Variants in IMMP2L observed in about 807,000 individuals in gnomAD.
IMMP2L encodes the protein mitochondrial inner membrane protease subunit 2.
In IMMP2L, 18 loss-of-function variants were observed where a neutral mutation model predicts 19.3. That is an observed-to-expected ratio of 0.93 (90% confidence interval 0.64 to 1.38). The LOEUF (loss-of-function observed/expected upper bound fraction) is 1.38, where lower values mean the gene tolerates loss of function less well. Ranked by LOEUF, IMMP2L falls within the 40% of genes most tolerant of loss-of-function variation. The probability of loss-of-function intolerance (pLI) is 0.00; values close to 1 mark genes in which losing one functional copy is unlikely to be tolerated. For synonymous variants in IMMP2L, 76 were observed against 73.0 expected, an observed-to-expected ratio of 1.04 and a Z score of -0.21; for missense variants, 233 against 218.2, an observed-to-expected ratio of 1.07 and a Z score of -0.43.
At chr7:111,552,697 A>T (rs1790816310) in intron 1 of IMMP2L, among the ~76,000 whole-genome samples, 1 of 152,148 alleles carries the variant, frequency 6.6e-6, no homozygotes, top group South Asian at 2.1e-4. Context: ...CCTCTCAGAG[A>T]GCCTACCCTC....
chr7:110,695,172 C>T (rs183489103), intron 5 of IMMP2L, among the ~76,000 whole-genome samples: 6 of 152,186 alleles, frequency 3.9e-5, no homozygotes, highest in Non-Finnish European at 7.4e-5. Flanking sequence ...TGTTTGATGA[C>T]ACAGAATTGT....
chr7:111,523,463 C>G (rs1367904513), intron 1 of IMMP2L, among the ~76,000 whole-genome samples: 2 of 152,014 alleles, frequency 1.3e-5, no homozygotes, highest in Non-Finnish European at 2.9e-5. Flanking sequence ...CCTCCCAAAT[C>G]TTTAACATGT....
intron 3 of IMMP2L, among the ~76,000 whole-genome samples, chr7:111,469,348 T>G (rs983035990): frequency 1.3e-5 from 2 of 152,088 alleles, no homozygotes; most frequent in African/African-American, 4.8e-5. Flanking sequence ...CCTTGGGCAG[T>G]ATGGCCATTT....
chr7:111,201,346 A>G (rs1408383883), intron 3 of IMMP2L, among the ~76,000 whole-genome samples: 1 of 151,994 alleles, frequency 6.6e-6, no homozygotes, highest in Non-Finnish European at 1.5e-5. Context: ...GAATTATAAT[A>G]TAACTGCTAT....
chr7:111,185,878 G>A, intron 3 of IMMP2L, among the ~76,000 whole-genome samples: 1 of 151,946 alleles, frequency 6.6e-6, no homozygotes, highest in Non-Finnish European at 1.5e-5. Flanking sequence ...TCTATGACTT[G>A]GTCACCAACA....
intron 3 of IMMP2L, among the ~76,000 whole-genome samples, chr7:111,452,482 T>A (rs1294614990): frequency 6.6e-6 from 1 of 152,022 alleles, no homozygotes; most frequent in Non-Finnish European, 1.5e-5. Context: ...AAATTATATA[T>A]CTCTGTTTTA....
intron 4 of IMMP2L, among the ~76,000 whole-genome samples, chr7:110,905,930 TA>T (rs1385009606): frequency 6.6e-6 from 1 of 152,226 alleles, no homozygotes; most frequent in Non-Finnish European, 1.5e-5. Flanking sequence ...TATGAATCCA[TA>T]AGTTGAAGTT....
chr7:110,824,166 T>A (rs1803265319), intron 5 of IMMP2L, among the ~76,000 whole-genome samples: 1 of 152,092 alleles, frequency 6.6e-6, no homozygotes, highest in African/African-American at 2.4e-5. Flanking sequence ...CCTACATTAA[T>A]TTTTTAAACA....
rs1353184953 is a variant in IMMP2L at position 110,858,762 on chromosome 7, C to T, written c.408+27831G>A. Among the ~76,000 whole-genome samples the T allele has an allele frequency of 2.0e-5, 3 of 151,760 alleles. No individual in the cohort carries two copies. The East Asian group carries it at 5.8e-4, about 30-fold the overall frequency. ...ATGCTATCCCTCCCTCCTCCCCCGA[C>T]CCCACAACAGTCCCCAGAGTGTGAT... On this transcript the variant is annotated intron_variant, in intron 5 of 5. Coordinates refer to ENST00000405709, the MANE Select transcript of IMMP2L (RefSeq NM_032549.4).
chr7:111,359,033 T>C (rs1829001124), intron 3 of IMMP2L, among the ~76,000 whole-genome samples: 2 of 152,146 alleles, frequency 1.3e-5, no homozygotes, highest in Non-Finnish European at 2.9e-5. Flanking sequence ...CTAAAGTTTA[T>C]TTCCTAGACT....
intron 3 of IMMP2L, among the ~76,000 whole-genome samples, chr7:111,283,691 G>T (rs921993690): frequency 2.6e-5 from 4 of 152,122 alleles, no homozygotes; most frequent in Non-Finnish European, 5.9e-5. Flanking sequence ...GACATGATTG[G>T]CCGGGCGCGG....
Position 111,048,248 on chromosome 7 carries a change from A to AG in IMMP2L, c.240-84684_240-84683insC, listed in dbSNP as rs1792620343. On this transcript the variant is annotated intron_variant, in intron 3 of 5. Coordinates refer to ENST00000405709, the MANE Select transcript of IMMP2L (RefSeq NM_032549.4). ...AGCGAGACTCTGTCTCAAAAAAAAA[A>AG]AAAAAAAAAAAAAAAAAGAAAAAAA... is the stretch of plus-strand genomic sequence containing the variant. Among the ~76,000 whole-genome samples, 7 of 139,084 alleles carry AG rather than the reference A, an allele frequency of 5.0e-5. 1 individual carries two copies. In the South Asian group the frequency reaches 1.8e-3, roughly 35 times the overall value. The allele number at this position is 139,084 out of a possible 152,430, so 91.2% of individuals were successfully genotyped here. A position where few individuals can be genotyped will look rare whatever the true frequency, so the allele number is the denominator to read the frequency against.
chr7:110,959,343 A>C (rs78745521), intron 4 of IMMP2L, among the ~76,000 whole-genome samples: 2,458 of 152,086 alleles, frequency 0.016, 65 homozygotes, highest in African/African-American at 0.056. Context: ...TCAGGGGACC[A>C]GTAGACTAAG....
At chr7:110,702,835 T>C (rs368876865) in intron 5 of IMMP2L, among the ~76,000 whole-genome samples, 11 of 152,184 alleles carry the variant, frequency 7.2e-5, no homozygotes, top group African/African-American at 2.4e-4. Flanking sequence ...ATTTTCTACA[T>C]GTACAATCAT....
chr7:111,038,077 A>C (rs1202921479), intron 3 of IMMP2L, among the ~76,000 whole-genome samples: 2 of 152,188 alleles, frequency 1.3e-5, no homozygotes, highest in Non-Finnish European at 2.9e-5. Flanking sequence ...CAAATGTTAC[A>C]ATGAAGAACC....
At chr7:111,207,498 G>C (rs548780696) in intron 3 of IMMP2L, among the ~76,000 whole-genome samples, 90 of 150,000 alleles carry the variant, frequency 6.0e-4, no homozygotes, top group African/African-American at 2.0e-3. Flanking sequence ...AAAGATAGAG[G>C]CTTGCTTTCT....
At chr7:111,158,008 C>T (rs1020573857) in intron 3 of IMMP2L, among the ~76,000 whole-genome samples, 2 of 151,952 alleles carry the variant, frequency 1.3e-5, no homozygotes, top group Non-Finnish European at 1.5e-5. Context: ...AATCTGGCCC[C>T]GATGACATCA....
intron 2 of IMMP2L, among the ~76,000 whole-genome samples, chr7:111,514,679 C>T (rs1845730677): frequency 1.3e-5 from 2 of 152,150 alleles, no homozygotes; most frequent in South Asian, 4.2e-4. Context: ...GATGGACTGG[C>T]ATAATGAACC....
At chr7:110,777,821 T>C (rs7778445) in intron 5 of IMMP2L, among the ~76,000 whole-genome samples, 1 of 152,086 alleles carries the variant, frequency 6.6e-6, no homozygotes, top group Middle Eastern at 3.4e-3. Flanking sequence ...TGGTTACATA[T>C]GCAGTCTTAT....
Sources: gnomAD v4.1 joint callset for allele counts (sites outside exome capture counted in the v4.1 genomes callset) on GRCh38, gnomAD v4.1.1 for gene constraint, MANE v1.5 for transcripts, NCBI Gene and HGNC (gene_info 2026-07-23, HGNC 2026-07-21) for gene names.